The following SLC12A5 variants were observed in gnomAD, a reference collection of about 807,000 sequenced individuals.
The protein encoded by SLC12A5 is K-Cl cotransporter 2.
Under a neutral mutation model 124.0 loss-of-function variants are expected in SLC12A5, and 18 were observed. That is an observed-to-expected ratio of 0.15 (90% confidence interval 0.10 to 0.22). The LOEUF (loss-of-function observed/expected upper bound fraction) is 0.22. Among genes scored for constraint, SLC12A5 ranks in the 10% least tolerant of loss-of-function variants. The pLI, the probability that SLC12A5 is intolerant of heterozygous loss-of-function variation, is 1.00. For synonymous variants in SLC12A5, 589 were observed against 568.0 expected, an observed-to-expected ratio of 1.04 and a Z score of -0.53; for missense variants, 867 against 1,478.7, an observed-to-expected ratio of 0.59 and a Z score of 6.78.
chr20:46,026,607 A>C (rs1024123823), upstream of SLC12A5, among the ~76,000 whole-genome samples: 2 of 152,204 alleles, frequency 1.3e-5, no homozygotes, highest in African/African-American at 4.8e-5. Context: ...TTAGGAAGGG[A>C]TATGTGGCTT....
chr20:46,043,376 G>A, intron 9 of SLC12A5, 53 bp downstream of exon 9: 2 of 1,578,278 alleles, frequency 1.3e-6, no homozygotes, highest in Middle Eastern at 1.7e-4. Context: ...ATGGGGAAGA[G>A]AGAGTCGATG....
intron 4 of SLC12A5, chr20:46,036,139 G>A (rs928822008): frequency 2.0e-6 from 1 of 510,858 alleles, no homozygotes; most frequent in Non-Finnish European, 3.4e-6. Context: ...ATCTCTCTGT[G>A]TGTAATTACA....
At chr20:46,040,269 C>G in intron 6 of SLC12A5, 104 bp from the exon 7 acceptor site, 1 of 1,509,322 alleles carries the variant, frequency 6.6e-7, no homozygotes. Context: ...CAGTCTGGTA[C>G]CACTGTGACT....
In SLC12A5 at chr20:46,058,161, T is replaced by A. The variant is rs2084714474; in HGVS notation, c.*556T>A. 1 of 239,140 alleles carries A rather than the reference T, an allele frequency of 4.2e-6. No individual in the cohort carries two copies. The highest frequency in any genetic ancestry group is 8.1e-5 in the East Asian group (1 of 12,360). The allele number at this position is 239,140 out of a possible 1,614,324, so 14.8% of individuals were successfully genotyped here. The stretch of plus-strand genomic sequence containing the variant: ...ATCGCGTGTATTTTTAACGTCCCCA[T>A]ATTTATGTGACTAGAAGCGCAACAG... On this transcript the variant is annotated 3_prime_UTR_variant, in exon 26 of 26. Transcript: ENST00000243964. This position sits in a 1 kb window ranked among gnomAD's most constrained non-coding sequence, Gnocchi z 5.8.
In SLC12A5 at chr20:46,049,623, C is replaced by A; in HGVS notation, c.2014C>A (p.Pro672Thr). 2 of 1,600,422 alleles carry A rather than the reference C, an allele frequency of 1.2e-6. No individual in the cohort carries two copies. The highest frequency in any genetic ancestry group is 1.7e-6 in the Non-Finnish European group (2 of 1,173,604). The change falls in exon 17 of 26, where the codon CCA (proline) becomes ACA (threonine). Residue 672 changes from proline to threonine, a missense_variant and splice_region_variant. By Grantham distance (38) the Pro-to-Thr change is conservative (BLOSUM62 -1). Coordinates refer to ENST00000243964, the MANE Select transcript of SLC12A5 (RefSeq NM_020708.5). ...TATGTGACTCTGCACACTCTTCAGG[C>A]CACAGCTGCTGGTGCTGGTGCGTGT... is the stretch of plus-strand genomic sequence containing the variant. Reference protein sequence around the residue: ...EGPPHTKNWRPQLLVLVRVDQ... With the variant: ...EGPPHTKNWRTQLLVLVRVDQ...
At chr20:46,047,923 G>A (rs1249083103) in intron 15 of SLC12A5, 58 bp from the exon 16 acceptor site, 1 of 1,490,866 alleles carries the variant, frequency 6.7e-7, no homozygotes, top group Non-Finnish European at 9.1e-7. Context: ...AGTGTAGATG[G>A]TTCTCCCTGC....
At chr20:46,035,374 C>T in intron 2 of SLC12A5, 30 bp from the exon 3 acceptor site, 2 of 1,592,746 alleles carry the variant, frequency 1.3e-6, no homozygotes, top group Non-Finnish European at 1.7e-6. Context: ...GCTCCCCCAG[C>T]CTCCTAGCAC....
chr20:46,043,236 C>G lies in SLC12A5; in HGVS notation c.1150C>G (p.Pro384Ala), dbSNP rs16985442. ...CTCGGTGGGCCTGGCCGATGGCACT[C>G]CTATCGACATGGACCACCCTTATGT... is the stretch of plus-strand genomic sequence containing the variant. ...MTSVGLADGT[P>A]IDMDHPYVFS... The change falls in exon 9 of 26, where the codon CCT becomes GCT. Residue 384 changes from proline (P) to alanine (A), a missense_variant. Pro to Ala is a conservative substitution (Grantham distance 27). Around this residue, in one of 9 missense-constraint regions of SLC12A5, gnomAD observed 127 missense variants for 164.1 expected, o/e 0.77. Coordinates refer to ENST00000243964, the MANE Select transcript of SLC12A5 (RefSeq NM_020708.5). 0.046 allele frequency: 73,565 copies of G among 1,613,800 alleles called. 1,903 individuals carry two copies. The highest frequency in any genetic ancestry group is 0.05 in the Middle Eastern group (306 of 6,062).
chr20:46,040,764 T>C, intron 7 of SLC12A5, 150 bp downstream of exon 7: 3 of 1,243,826 alleles, frequency 2.4e-6, no homozygotes, highest in South Asian at 1.6e-5. Context: ...AAATCTCTCT[T>C]AGTTTGGGGG....
intron 21 of SLC12A5, among the ~76,000 whole-genome samples, chr20:46,055,261 C>T (rs1200425891): frequency 6.6e-6 from 1 of 152,184 alleles, no homozygotes; most frequent in Non-Finnish European, 1.5e-5. Flanking sequence ...CAGATCTTCT[C>T]CTCTGTATGT....
chr20:46,038,830 C>T (rs1348785071), intron 6 of SLC12A5, among the ~76,000 whole-genome samples: 2 of 152,146 alleles, frequency 1.3e-5, no homozygotes, highest in Admixed American at 1.3e-4. Flanking sequence ...AAACCTAGAA[C>T]TAGAAGGTGT....
In SLC12A5 at chr20:46,059,684, A is replaced by G. The variant is rs1171593833; in HGVS notation, c.*2079A>G. 5.0e-6 allele frequency: 2 copies of G among 398,958 alleles called. No individual in the cohort carries two copies. Among genetic ancestry groups the G allele is most frequent in the African/African-American group, 2.1e-5 (1 of 48,630 alleles). The allele number at this position is 398,958 out of a possible 1,614,324, so 24.7% of individuals were successfully genotyped here. A position where few individuals can be genotyped will look rare whatever the true frequency, so the allele number is the denominator to read the frequency against. ...CCAAGTTTTCTGTGCTACATGTGCA[A>G]TATTTGTTATGAATGTTATCACAAG... On this transcript the variant is annotated 3_prime_UTR_variant, in exon 26 of 26. Transcript: ENST00000243964.
chr20:46,056,016 CAT>C lies in SLC12A5; in HGVS notation c.2788-132_2788-131del, dbSNP rs1219227814. On this transcript the variant is annotated intron_variant, in intron 21 of 25. Transcript: ENST00000243964. The surrounding 1 kb of genome is among the most constrained non-coding windows in gnomAD (Gnocchi z 4.3). ...GTGCAGTAGCTATTTGGTCTCAAATCATAGCAATATTTTAACAACTGGTACAG... is the reference window on the plus strand; with the variant it reads ...GTGCAGTAGCTATTTGGTCTCAAATCAGCAATATTTTAACAACTGGTACAG... 7.8e-7 allele frequency: 1 copy of C among 1,287,042 alleles called. No homozygotes were observed. Among genetic ancestry groups the C allele is most frequent in the Non-Finnish European group, 1.1e-6 (1 of 940,752 alleles). The allele number at this position is 1,287,042 out of a possible 1,614,324, so 79.7% of individuals were successfully genotyped here.
At chr20:46,047,194 A>T (rs2084603303) in intron 14 of SLC12A5, among the ~76,000 whole-genome samples, 1 of 152,140 alleles carries the variant, frequency 6.6e-6, no homozygotes, top group Non-Finnish European at 1.5e-5. Context: ...GCAGGGTCTG[A>T]GGAACAGGGA....
chr20:46,035,753 G>A (rs779296757), intron 3 of SLC12A5, 24 bp from the exon 4 acceptor site: 3 of 1,602,498 alleles, frequency 1.9e-6, no homozygotes, highest in Non-Finnish European at 1.7e-6. Flanking sequence ...GGACTGCAGA[G>A]ACTGATGCTG....
intron 5 of SLC12A5, 110 bp from the exon 6 acceptor site, chr20:46,037,145 C>A: frequency 1.4e-6 from 2 of 1,445,988 alleles, no homozygotes; most frequent in South Asian, 1.4e-5. Context: ...AGCCCATAAG[C>A]CTGTGAGGCC....
Position 46,035,751 on chromosome 20 carries a change from G to T in SLC12A5, c.280-26G>T, listed in dbSNP as rs375375832. 15 of 1,601,708 alleles carry T rather than the reference G, an allele frequency of 9.4e-6. No individual in the cohort carries two copies. In the African/African-American group the frequency reaches 1.7e-4, roughly 19 times the overall value. ...GGTGTTCGTAATGATGAGGACTGCA[G>T]AGACTGATGCTGGCCTCCCTGGCAG... is the stretch of plus-strand genomic sequence containing the variant. On this transcript the variant is annotated intron_variant, in intron 3 of 25. Coordinates refer to ENST00000243964, the MANE Select transcript of SLC12A5 (RefSeq NM_020708.5).
intron 8 of SLC12A5, 101 bp downstream of exon 8, chr20:46,041,641 A>G (rs372884195): frequency 7.3e-6 from 9 of 1,236,904 alleles, no homozygotes; most frequent in African/African-American, 3.0e-5. Context: ...GCTAAATTCA[A>G]TCAGCTTTAA....
upstream of SLC12A5, among the ~76,000 whole-genome samples, chr20:46,026,930 G>A (rs1278396182): frequency 6.6e-6 from 1 of 152,204 alleles, no homozygotes; most frequent in Non-Finnish European, 1.5e-5. Flanking sequence ...TAGTCTCTGA[G>A]TGGCCAAAGC....
Sources: allele counts gnomAD v4.1 joint callset (sites outside exome capture counted in the v4.1 genomes callset), GRCh38; gene constraint gnomAD v4.1.1; regional missense constraint gnomAD v4.1.1; non-coding constraint Gnocchi (gnomAD v3.1); transcripts MANE v1.5; gene names NCBI Gene and HGNC (gene_info 2026-07-23, HGNC 2026-07-21).